GPM6A: variants seen among roughly 807,000 people sequenced by gnomAD.
GPM6A encodes the protein neuronal membrane glycoprotein M6-a.
A neutral mutation model predicts 32.1 loss-of-function variants in GPM6A; 7 were observed. That is an observed-to-expected ratio of 0.22 (90% CI 0.12 to 0.41). The LOEUF is 0.41. Among genes scored for constraint, GPM6A ranks in the 10% least tolerant of loss-of-function variants. The probability of loss-of-function intolerance (pLI) is 1.00; values close to 1 mark genes in which losing one functional copy is unlikely to be tolerated. For missense variants in GPM6A, 235 were observed against 347.2 expected (o/e 0.68, Z 2.57); for synonymous variants, 130 against 123.4 (o/e 1.05, Z -0.35).
chr4:175,923,524 G>GT (rs1473254008), intron 1 of GPM6A, among the ~76,000 whole-genome samples: 35 of 150,680 alleles, frequency 2.3e-4, no homozygotes, highest in Middle Eastern at 6.8e-3. Flanking sequence ...GCAGTTTTGG[G>GT]GTTTTTTTTG....
chr4:175,636,655 G>T (rs1462693703), intron 6 of GPM6A, among the ~76,000 whole-genome samples: 3 of 150,844 alleles, frequency 2.0e-5, no homozygotes, highest in Non-Finnish European at 3.0e-5. Context: ...ACGTAGCTGG[G>T]TGTGGTGCCA....
intron 1 of GPM6A, among the ~76,000 whole-genome samples, chr4:175,743,916 A>T (rs142706625): frequency 2.5e-3 from 382 of 151,872 alleles, no homozygotes; most frequent in African/African-American, 8.5e-3. Context: ...ATGTAAAGTC[A>T]TAGTTGAAGA....
At chr4:175,715,003 A>AAC (rs1444829753) in intron 1 of GPM6A, among the ~76,000 whole-genome samples, 1 of 151,922 alleles carries the variant, frequency 6.6e-6, no homozygotes, top group African/African-American at 2.4e-5. Flanking sequence ...AGAAAAAAAA[A>AAC]AAAAAAAAAC....
rs138245066 is a variant in GPM6A, at chr4:175,924,997, T to C, written c.-23+77312A>G. Among the ~76,000 whole-genome samples, 439 of 152,334 alleles carry C rather than the reference T, an allele frequency of 2.9e-3. 3 individuals carry two copies. The highest frequency in any genetic ancestry group is 5.2e-3 in the Non-Finnish European group (352 of 68,038). The stretch of plus-strand genomic sequence containing the variant: ...CATTAGTTCTTAAGTTCATGTTTAA[T>C]GAAAATATTAATACCACACTTCCAT... On this transcript the variant is annotated intron_variant, in intron 1 of 7. Coordinates refer to the GPM6A transcript ENST00000280187.
intron 3 of GPM6A, among the ~76,000 whole-genome samples, chr4:175,665,183 A>G (rs1742674017): frequency 1.3e-5 from 2 of 152,188 alleles, no homozygotes; most frequent in South Asian, 4.1e-4. Context: ...TTAGGTGTCT[A>G]CTAGTCAACA....
intron 2 of GPM6A, among the ~76,000 whole-genome samples, chr4:175,683,090 C>A (rs973549488): frequency 2.6e-5 from 4 of 152,152 alleles, no homozygotes; most frequent in African/African-American, 4.8e-5. Flanking sequence ...TTAAACCCTG[C>A]AAAGTCACAA....
chr4:175,958,505 C>T (rs1386420275), intron 1 of GPM6A, among the ~76,000 whole-genome samples: 1 of 152,178 alleles, frequency 6.6e-6, no homozygotes, highest in African/African-American at 2.4e-5. Flanking sequence ...AATTCAATTG[C>T]TAACTGATAG....
intron 2 of GPM6A, among the ~76,000 whole-genome samples, chr4:175,690,858 A>G (rs1268622044): frequency 6.6e-6 from 1 of 152,230 alleles, no homozygotes; most frequent in East Asian, 1.9e-4. Context: ...TCAGCCTGTC[A>G]CAAGCTATAG....
At position 175,865,309 on chromosome 4, in the gene GPM6A, T is replaced by G. The variant is rs145308375; in HGVS notation, c.-22-53060A>C. Among the ~76,000 whole-genome samples the G allele has an allele frequency of 3.3e-5, 5 of 152,338 alleles. No homozygotes were observed. In the East Asian group the frequency reaches 9.6e-4, roughly 29 times the overall value. ...TCTCCACTGTTCTGTATTCTAACAT[T>G]ATGGCAATACCAAGTGCCTTGATTA... On this transcript the variant is annotated intron_variant, in intron 1 of 7. Coordinates refer to the GPM6A transcript ENST00000280187.
intron 1 of GPM6A, among the ~76,000 whole-genome samples, chr4:175,758,161 G>T (rs1356229431): frequency 6.6e-6 from 1 of 152,094 alleles, no homozygotes; most frequent in Non-Finnish European, 1.5e-5. Flanking sequence ...AAATTAACCA[G>T]AGTCATCTGT....
chr4:175,751,009 T>C (rs908114112), intron 1 of GPM6A, among the ~76,000 whole-genome samples: 10 of 152,282 alleles, frequency 6.6e-5, no homozygotes, highest in Admixed American at 5.9e-4. Context: ...TTCTCAGTAA[T>C]AAACATCATA....
chr4:175,903,435 T>G (rs1738030464), intron 1 of GPM6A, among the ~76,000 whole-genome samples: 1 of 152,176 alleles, frequency 6.6e-6, no homozygotes, highest in Non-Finnish European at 1.5e-5. Flanking sequence ...AGGTGAATAT[T>G]TGATGAGAAA....
intron 4 of GPM6A, among the ~76,000 whole-genome samples, chr4:175,648,435 A>G (rs1019934669): frequency 6.6e-6 from 1 of 152,234 alleles, no homozygotes; most frequent in African/African-American, 2.4e-5. Flanking sequence ...GACTGCCATC[A>G]TGATCAAGTA....
At chr4:175,722,837 A>G (rs1337839191) in intron 1 of GPM6A, among the ~76,000 whole-genome samples, 1 of 151,976 alleles carries the variant, frequency 6.6e-6, no homozygotes, top group Non-Finnish European at 1.5e-5. Context: ...TGAGCCCAGG[A>G]GTTCGAGGCC....
chr4:175,813,132 T>C (rs139201021), upstream of GPM6A: 72 of 937,580 alleles, frequency 7.7e-5, no homozygotes, highest in East Asian at 8.1e-3. Context: ...TTGTTATTTA[T>C]TGTTATGATT....
intron 1 of GPM6A, among the ~76,000 whole-genome samples, chr4:175,896,387 G>A (rs1016626859): frequency 2.0e-5 from 3 of 152,074 alleles, no homozygotes; most frequent in Non-Finnish European, 4.4e-5. Context: ...ATTATCCTCA[G>A]ATCATTCAAC....
intron 1 of GPM6A, among the ~76,000 whole-genome samples, chr4:175,801,853 A>G (rs2111305259): frequency 6.6e-6 from 1 of 152,262 alleles, no homozygotes; most frequent in East Asian, 1.9e-4. Context: ...GTTTCCTTCC[A>G]ATTTAGCAGA....
At chr4:175,811,642 G>A (rs1305416290) in intron 1 of GPM6A, among the ~76,000 whole-genome samples, 1 of 152,138 alleles carries the variant, frequency 6.6e-6, no homozygotes, top group Non-Finnish European at 1.5e-5. Flanking sequence ...CATACACCCT[G>A]AAAATTTATG....
At chr4:175,818,855 TATTA>T (rs1560950095) in intron 1 of GPM6A, among the ~76,000 whole-genome samples, 1 of 152,138 alleles carries the variant, frequency 6.6e-6, no homozygotes, top group Admixed American at 6.5e-5. Context: ...AGCTGGGAAA[TATTA>T]ATTGTGTTTC....
Sources: gnomAD v4.1 joint callset for allele counts (sites outside exome capture counted in the v4.1 genomes callset) on GRCh38, gnomAD v4.1.1 for gene constraint, MANE v1.5 for transcripts, NCBI Gene and HGNC (gene_info 2026-07-23, HGNC 2026-07-21) for gene names.